Variants in PDE1A observed in about 807,000 individuals in gnomAD.
The protein encoded by PDE1A is dual specificity calcium/calmodulin-dependent 3',5'-cyclic nucleotide phosphodiesterase 1A.
Under a neutral mutation model 61.7 loss-of-function variants are expected in PDE1A, and 35 were observed. The observed-to-expected ratio is 0.57, with a 90% CI of 0.43 to 0.75. PDE1A has a LOEUF of 0.75. Among genes scored for constraint, PDE1A ranks in the 30% least tolerant of loss-of-function variants. The pLI is 0.00. For missense variants in PDE1A, 597 were observed against 630.6 expected, an observed-to-expected ratio of 0.95 and a Z score of 0.57; for synonymous variants, 232 against 213.2, an observed-to-expected ratio of 1.09 and a Z score of -0.77.
chr2:182,689,285 A>T, the PDE1A span, among the ~76,000 whole-genome samples: 1 of 152,162 alleles, frequency 6.6e-6, no homozygotes, highest in East Asian at 1.9e-4. Context: ...GAAGTAAAGC[A>T]CTCCTCAGCA....
intron 13 of PDE1A, among the ~76,000 whole-genome samples, chr2:182,162,562 C>A (rs1209419503): frequency 1.3e-5 from 2 of 152,106 alleles, no homozygotes; most frequent in Non-Finnish European, 2.9e-5. Context: ...AAGGGGAGAC[C>A]AGGTCCTGTT....
intron 2 of PDE1A, among the ~76,000 whole-genome samples, chr2:182,256,038 C>CTTTTTTTTTTTTTTTTTTTTTT (rs755211798): frequency 6.5e-5 from 6 of 92,334 alleles, no homozygotes; most frequent in East Asian, 3.3e-4. Context: ...AGGATGACTT[C>CTTTTTTTTTTTTTTTTTTTTTT]TTTTTTTTTT....
intron 1 of PDE1A, among the ~76,000 whole-genome samples, chr2:182,369,527 A>G (rs1317854164): frequency 6.6e-6 from 1 of 152,194 alleles, no homozygotes; most frequent in African/African-American, 2.4e-5. Flanking sequence ...ATCTTTACCA[A>G]GATTACCTCT....
the PDE1A span, among the ~76,000 whole-genome samples, chr2:182,672,354 A>C: frequency 3.3e-5 from 5 of 152,170 alleles, no homozygotes; most frequent in African/African-American, 1.2e-4. Flanking sequence ...TAATGCAAAA[A>C]CCCCAATTAC....
intron 7 of PDE1A, among the ~76,000 whole-genome samples, chr2:182,221,747 T>C (rs1688746102): frequency 1.3e-5 from 2 of 152,030 alleles, no homozygotes; most frequent in South Asian, 2.1e-4. Context: ...TGTCCATCTC[T>C]GGCTGTGGGA....
intron 7 of PDE1A, among the ~76,000 whole-genome samples, chr2:182,206,581 G>A (rs1489914386): frequency 6.6e-6 from 1 of 151,906 alleles, no homozygotes; most frequent in Non-Finnish European, 1.5e-5. Context: ...CCCTAACCCT[G>A]GCAACCACTG....
At chr2:182,627,231 T>TA in the PDE1A span, among the ~76,000 whole-genome samples, 2 of 26,096 alleles carry the variant, frequency 7.7e-5, no homozygotes, top group African/African-American at 2.2e-4. Flanking sequence ...TAATATATTA[T>TA]TTATATATAA....
the PDE1A span, among the ~76,000 whole-genome samples, chr2:182,576,302 G>A: frequency 1.4e-4 from 22 of 152,164 alleles, no homozygotes; most frequent in Admixed American, 1.1e-3. Context: ...CCTCTTACAA[G>A]TAGAATGGCA....
chr2:182,203,324 A>AAAAAAC lies in PDE1A; in HGVS notation c.903-1536_903-1535insGTTTTT, dbSNP rs1553535920. ...TACAGAGCAAGACTCCGTCTGAAAAAAAAACAAAACAAAACTACATATTGA... is the reference window on the plus strand; with the variant it reads ...TACAGAGCAAGACTCCGTCTGAAAAAAAAAACAAAACAAAACAAAACTACATATTGA... On this transcript the variant is annotated intron_variant, in intron 8 of 13. Coordinates refer to ENST00000351439, the Ensembl canonical transcript of PDE1A. Among the ~76,000 whole-genome samples, 28 of 151,872 alleles carry AAAAAAC rather than the reference A, an allele frequency of 1.8e-4. 1 individual carries two copies. The South Asian group carries it at 5.4e-3, about 29-fold the overall frequency.
the PDE1A span, among the ~76,000 whole-genome samples, chr2:182,710,704 C>T: frequency 3.3e-5 from 5 of 152,182 alleles, no homozygotes; most frequent in Admixed American, 2.6e-4. Flanking sequence ...TTTTTTATGG[C>T]TGAATAATAT....
chr2:182,346,212 G>A (rs1221331241), intron 1 of PDE1A, among the ~76,000 whole-genome samples: 1 of 151,980 alleles, frequency 6.6e-6, no homozygotes, highest in Non-Finnish European at 1.5e-5. Context: ...CCACCAACAA[G>A]AGGCAAAATA....
At chr2:182,602,991 A>G in the PDE1A span, among the ~76,000 whole-genome samples, 21 of 137,696 alleles carry the variant, frequency 1.5e-4, no homozygotes, top group Admixed American at 1.5e-3. Context: ...TCACACACAC[A>G]CACATACATA....
chr2:182,254,064 C>T (rs374360233), intron 2 of PDE1A, among the ~76,000 whole-genome samples: 2 of 152,122 alleles, frequency 1.3e-5, no homozygotes, highest in African/African-American at 4.8e-5. Flanking sequence ...ATTTATATTA[C>T]ACTGAATCAA....
chr2:182,550,503 G>C, the PDE1A span, among the ~76,000 whole-genome samples: 15 of 152,110 alleles, frequency 9.9e-5, no homozygotes, highest in Middle Eastern at 3.4e-3. Context: ...CTGAAATACT[G>C]GTAAAGCAAG....
At chr2:182,387,743 G>T (rs967063632) in intron 1 of PDE1A, among the ~76,000 whole-genome samples, 58 of 149,386 alleles carry the variant, frequency 3.9e-4, no homozygotes, top group Middle Eastern at 7.0e-3. Context: ...GGTGACAAGA[G>T]TAAAACTCCA....
At chr2:182,242,978 T>C (rs1462731720) in intron 2 of PDE1A, among the ~76,000 whole-genome samples, 1 of 142,078 alleles carries the variant, frequency 7.0e-6, no homozygotes, top group African/African-American at 2.7e-5. Context: ...GGATAAGAAA[T>C]CATCTTTCCA....
intron 2 of PDE1A, chr2:182,522,177 C>A: frequency 2.1e-6 from 2 of 948,704 alleles, no homozygotes; most frequent in Non-Finnish European, 1.6e-6. Flanking sequence ...GAAAATCTTT[C>A]TAAAGGAAAC....
At chr2:182,284,489 G>T (rs1046856945) in intron 1 of PDE1A, among the ~76,000 whole-genome samples, 1 of 151,944 alleles carries the variant, frequency 6.6e-6, no homozygotes, top group Non-Finnish European at 1.5e-5. Context: ...CACTATCTTT[G>T]CTAAAATGCA....
intron 1 of PDE1A, among the ~76,000 whole-genome samples, chr2:182,341,909 C>T (rs1312710745): frequency 6.6e-6 from 1 of 152,064 alleles, no homozygotes; most frequent in African/African-American, 2.4e-5. Context: ...AGACACACGC[C>T]ACCACACCCA....
Sources: allele counts gnomAD v4.1 joint callset (sites outside exome capture counted in the v4.1 genomes callset), GRCh38; gene constraint gnomAD v4.1.1; transcripts MANE v1.5; gene names NCBI Gene and HGNC (gene_info 2026-07-23, HGNC 2026-07-21).